The following CDH17 variants were observed in gnomAD, a reference collection of about 807,000 sequenced individuals.
CDH17 encodes cadherin-17.
In CDH17, 67 loss-of-function variants were observed where a neutral mutation model predicts 86.3. The ratio of observed to expected loss-of-function variants is 0.78; its 90% confidence interval spans 0.64 to 0.95. CDH17 has a LOEUF of 0.95. Ranked by LOEUF, CDH17 falls within the 40% of genes least tolerant of loss-of-function variation. The pLI is 0.00. For missense variants in CDH17, 993 were observed against 1,017.6 expected, an observed-to-expected ratio of 0.98 and a Z score of 0.33; for synonymous variants, 367 against 366.4, an observed-to-expected ratio of 1.00 and a Z score of -0.02.
chr8:94,137,243 C>A (rs1812547544), intron 15 of CDH17, among the ~76,000 whole-genome samples: 1 of 152,194 alleles, frequency 6.6e-6, no homozygotes, highest in South Asian at 2.1e-4. Context: ...ATGCCCTGTC[C>A]ATAGAAATGG....
rs562149537 is a variant in CDH17, at chr8:94,147,890, C to T, written c.1927+854G>A. On this transcript the variant is annotated intron_variant, in intron 14 of 17. Coordinates refer to ENST00000027335, the MANE Select transcript of CDH17 (RefSeq NM_004063.4). ...TGATTTCGTCAAAACACAGATACCC[C>T]TTGTTCACCCAAACCTATGGAATCA... 1.1e-4 allele frequency among the ~76,000 whole-genome samples: 17 copies of T among 152,344 alleles called. 1 individual carries two copies. The South Asian group carries it at 3.5e-3, about 32-fold the overall frequency.
At chr8:94,209,162 A>AC, upstream of CDH17, among the ~76,000 whole-genome samples, 1 of 152,038 alleles carries the variant, frequency 6.6e-6, no homozygotes, top group South Asian at 2.1e-4. Flanking sequence ...TTTCCCCCCC[A>AC]CAATTCAGGG....
At chr8:94,196,075 T>G (rs1261602237) in intron 1 of CDH17, among the ~76,000 whole-genome samples, 1 of 152,222 alleles carries the variant, frequency 6.6e-6, no homozygotes. Flanking sequence ...AAGAAAATTT[T>G]TTCAATGTAT....
intron 13 of CDH17, among the ~76,000 whole-genome samples, chr8:94,150,337 A>G (rs1231862649): frequency 2.0e-5 from 3 of 152,178 alleles, no homozygotes; most frequent in African/African-American, 7.2e-5. Flanking sequence ...CAGAACAGAC[A>G]TGGTGGTGCC....
chr8:94,201,097 GT>G lies in CDH17; in HGVS notation c.-20-6393del, dbSNP rs1223604042. Among the ~76,000 whole-genome samples the G allele has an allele frequency of 4.6e-5, 7 of 152,100 alleles. No homozygotes were observed. In the South Asian group the frequency reaches 8.3e-4, roughly 18 times the overall value. ...CAGATCTTTCCAAAATGTTGAAAAG[GT>G]TTTTTCCCCCTACTTTGCAGCTGCT... On this transcript the variant is annotated intron_variant, in intron 1 of 17. Transcript: ENST00000027335.
At chr8:94,163,155 T>A (rs1813090004) in intron 10 of CDH17, among the ~76,000 whole-genome samples, 1 of 152,250 alleles carries the variant, frequency 6.6e-6, no homozygotes, top group African/African-American at 2.4e-5. Context: ...GATAACTTCA[T>A]GTTGTAGGTG....
At chr8:94,212,052 T>C (rs16916611), upstream of CDH17, among the ~76,000 whole-genome samples, 11,589 of 152,282 alleles carry the variant, frequency 0.076, 1,474 homozygotes, top group African/African-American at 0.26. Context: ...CTGCTAGTCA[T>C]TGTTTTAGGC....
intron 1 of CDH17, among the ~76,000 whole-genome samples, chr8:94,199,081 A>ATTT (rs1419148647): frequency 2.0e-4 from 2 of 9,846 alleles, no homozygotes; most frequent in African/African-American, 5.4e-4. Flanking sequence ...ATATATATAT[A>ATTT]TATTTTTTTT....
chr8:94,210,743 A>C (rs1398563762), upstream of CDH17, among the ~76,000 whole-genome samples: 1 of 152,236 alleles, frequency 6.6e-6, no homozygotes, highest in Admixed American at 6.5e-5. Context: ...ACTGAAGGCC[A>C]GGCGCAGTGG....
chr8:94,162,709 G>A (rs1211858080), intron 10 of CDH17, among the ~76,000 whole-genome samples: 5 of 152,220 alleles, frequency 3.3e-5, no homozygotes, highest in Non-Finnish European at 7.3e-5. Flanking sequence ...TACCCAGCCT[G>A]CAGGAAGCAA....
Position 94,207,019 on chromosome 8 carries a change from T to A in CDH17, c.-21+1464A>T, listed in dbSNP as rs1814041155. 2.0e-5 allele frequency among the ~76,000 whole-genome samples: 3 copies of A among 152,086 alleles called. No individual in the cohort carries two copies. The South Asian group carries it at 6.2e-4, about 32-fold the overall frequency. On this transcript the variant is annotated intron_variant, in intron 1 of 17. Transcript: ENST00000027335. ...TTCACCTTGAACAGTGATGACTTTT[T>A]TCAGGGGTCATCTGGGTGAGTTTCA... is the stretch of plus-strand genomic sequence containing the variant.
chr8:94,180,581 G>A (rs1171119827), intron 3 of CDH17, among the ~76,000 whole-genome samples: 1 of 152,108 alleles, frequency 6.6e-6, no homozygotes, highest in Admixed American at 6.6e-5. Context: ...GAGATCAGAA[G>A]GCAGTGGAAT....
rs200791577 is a variant in CDH17, at chr8:94,152,003, G to A, written c.1661C>T (p.Thr554Met). The A allele has an allele frequency of 1.3e-5, 21 of 1,614,094 alleles. No homozygotes were observed. The highest frequency in any genetic ancestry group is 1.6e-4 in the Middle Eastern group (1 of 6,082). The stretch of plus-strand genomic sequence containing the variant: ...TTCATTCACATCTGTCACAATAAGC[G>A]TGAACTTGGCAAAAGAACTTGCATT... ...KYNASSFAKF[T>M]LIVTDVNEAP... The change falls in exon 13 of 18, where the codon ACG (threonine) becomes ATG (methionine). Residue 554 changes from threonine (T) to methionine (M), a missense_variant. By Grantham distance (81) the Thr-to-Met change is moderately conservative. Transcript: ENST00000027335.
In CDH17 at chr8:94,139,572, A is replaced by G. The variant is rs541271439; in HGVS notation, c.2167+6356T>C. Among the ~76,000 whole-genome samples, 11 of 152,334 alleles carry G rather than the reference A, an allele frequency of 7.2e-5. No homozygotes were observed. The South Asian group carries it at 1.9e-3, about 26-fold the overall frequency. ...GAGAATATCTTAAAAGCACCCAGAGAAAAAAGAATACAAACATTCAATGGA... is the reference window on the plus strand; with the variant it reads ...GAGAATATCTTAAAAGCACCCAGAGGAAAAAGAATACAAACATTCAATGGA... On this transcript the variant is annotated intron_variant, in intron 15 of 17. Transcript: ENST00000027335.
intron 4 of CDH17, 110 bp from the exon 5 acceptor site, chr8:94,176,789 T>C (rs1302371778): frequency 3.6e-6 from 4 of 1,122,794 alleles, no homozygotes; most frequent in Non-Finnish European, 5.0e-6. Flanking sequence ...CTGGTGACTG[T>C]AGGAGAGAAA....
At chr8:94,207,270 A>T (rs1814047533) in intron 1 of CDH17, among the ~76,000 whole-genome samples, 2 of 152,180 alleles carry the variant, frequency 1.3e-5, no homozygotes, top group Admixed American at 6.5e-5. Context: ...AAAATTTCTC[A>T]ATTCATCCTG....
intron 3 of CDH17, among the ~76,000 whole-genome samples, chr8:94,188,037 C>T (rs1813614375): frequency 6.6e-6 from 1 of 152,154 alleles, no homozygotes; most frequent in African/African-American, 2.4e-5. Context: ...TTCAGCCTCT[C>T]CTCTGTGGAG....
intron 13 of CDH17, among the ~76,000 whole-genome samples, chr8:94,149,489 G>C (rs147028561): frequency 4.7e-4 from 71 of 152,224 alleles, no homozygotes; most frequent in African/African-American, 1.6e-3. Flanking sequence ...CACAACAGAG[G>C]GGGCCCTATG....
intron 13 of CDH17, 107 bp from the exon 14 acceptor site, chr8:94,148,981 GTAAA>G: frequency 1.2e-6 from 1 of 804,246 alleles, no homozygotes; most frequent in Non-Finnish European, 1.9e-6. Flanking sequence ...GAAATATGTT[GTAAA>G]TAATATACAA....
Sources: allele counts gnomAD v4.1 joint callset (sites outside exome capture counted in the v4.1 genomes callset), GRCh38; gene constraint gnomAD v4.1.1; transcripts MANE v1.5; gene names NCBI Gene and HGNC (gene_info 2026-07-23, HGNC 2026-07-21).